Variants in FAM83E observed in about 807,000 individuals in gnomAD.
FAM83E encodes the protein scaffolding CK1 anchoring protein E.
Under a neutral mutation model 34.3 loss-of-function variants are expected in FAM83E, and 29 were observed. That is an observed-to-expected ratio of 0.85 (90% CI 0.63 to 1.15). The LOEUF is 1.15. Among genes scored for constraint, FAM83E ranks in the 50% most tolerant of loss-of-function variants. The pLI is 0.00. For missense variants in FAM83E, 697 were observed against 685.0 expected, an observed-to-expected ratio of 1.02 and a Z score of -0.20; for synonymous variants, 312 against 311.6, an observed-to-expected ratio of 1.00 and a Z score of -0.01.
At position 48,603,689 on chromosome 19, in the gene FAM83E, C is replaced by T. The variant is rs2147639945; in HGVS notation, c.981G>A (p.Pro327=). The change falls in exon 6 of 7, where the codon CCG becomes CCA. Residue 327 remains proline, a synonymous_variant. Transcript: ENST00000263266. ...GGCGGTGGGCCAGCGGGCCGTCAGG[C>T]GGCGGAGGCGACGCGGGGGCCACGG... is the stretch of plus-strand genomic sequence containing the variant. ...RRSVAPASPP[P]PDGPLAHRLA... The T allele has an allele frequency of 3.8e-6, 5 of 1,317,026 alleles. No homozygotes were observed. Among genetic ancestry groups the T allele is most frequent in the East Asian group, 3.2e-5 (1 of 30,850 alleles). The allele number at this position is 1,317,026 out of a possible 1,614,324, so 81.6% of individuals were successfully genotyped here. A position where few individuals can be genotyped will look rare whatever the true frequency, so the allele number is the denominator to read the frequency against.
Position 48,614,736 on chromosome 19 carries a change from C to T in FAM83E, c.-1284G>A. ...CACCGGCTAGTGCCGGGCTCAATGG[C>T]CTCCCTTCCAGTGCCTGCTTTTTCC... On this transcript the variant is annotated 5_prime_UTR_variant, in exon 2 of 7. Coordinates refer to ENST00000263266, the MANE Select transcript of FAM83E (RefSeq NM_017708.4). 1 of 984,102 alleles carries T rather than the reference C, an allele frequency of 1.0e-6. No homozygotes were observed. The highest frequency in any genetic ancestry group is 1.2e-6 in the Non-Finnish European group (1 of 829,666). 61.0% of individuals were successfully genotyped at this position (984,102 alleles called of 1,614,324 possible).
intron 6 of FAM83E, among the ~76,000 whole-genome samples, chr19:48,602,702 AAAATATATATATATATATATATAT>A (rs1973843021): frequency 1.4e-4 from 6 of 42,890 alleles, no homozygotes; most frequent in Non-Finnish European, 1.6e-4. Flanking sequence ...AAAAAAAAAA[AAAATATATATATATATATATATAT>A]ATATATATAT....
chr19:48,601,772 A>G (rs1463908023), intron 6 of FAM83E, among the ~76,000 whole-genome samples: 2 of 151,424 alleles, frequency 1.3e-5, no homozygotes, highest in East Asian at 2.0e-4. Flanking sequence ...CTCAAAAAAA[A>G]AAAAAGGAAG....
chr19:48,602,703 AAATATATATATATATATATATATATATAT>A (rs1973843850), intron 6 of FAM83E, among the ~76,000 whole-genome samples: 1 of 44,850 alleles, frequency 2.2e-5, no homozygotes, highest in South Asian at 8.5e-4. Context: ...AAAAAAAAAA[AAATATATATATATATATATATATATATAT>A]ATATATATAT....
intron 5 of FAM83E, chr19:48,606,739 C>T (rs1973935066): frequency 7.1e-6 from 4 of 564,610 alleles, no homozygotes; most frequent in Non-Finnish European, 1.3e-5. Flanking sequence ...TGTGAGATCA[C>T]TCATTCCATT....
intron 5 of FAM83E, among the ~76,000 whole-genome samples, chr19:48,605,972 C>T (rs984713601): frequency 2.0e-5 from 3 of 152,164 alleles, no homozygotes; most frequent in East Asian, 1.9e-4. Flanking sequence ...CTGTGGGGGC[C>T]GGTGCCCTAA....
Position 48,614,360 on chromosome 19 carries a change from C to G in FAM83E, c.-988G>C, listed in dbSNP as rs1974105324. 11 of 985,528 alleles carry G rather than the reference C, an allele frequency of 1.1e-5. No individual in the cohort carries two copies. The highest frequency in any genetic ancestry group is 1.3e-5 in the Non-Finnish European group (11 of 830,012). The allele number at this position is 985,528 out of a possible 1,614,324, so 61.0% of individuals were successfully genotyped here. A position where few individuals can be genotyped will look rare whatever the true frequency, so the allele number is the denominator to read the frequency against. On this transcript the variant is annotated 5_prime_UTR_variant, in exon 3 of 7. Transcript: ENST00000263266. ...GCCTGGCCCTGGGACCTGTTCCAGG[C>G]CGTCCTCTGATCTGCGGGGAGCCCT...
At position 48,615,006 on chromosome 19, in the gene FAM83E, C is replaced by A. The variant is rs893528975; in HGVS notation, c.-1457G>T. Among the ~76,000 whole-genome samples the A allele has an allele frequency of 2.0e-5, 3 of 152,214 alleles. No homozygotes were observed. Among genetic ancestry groups the A allele is most frequent in the Non-Finnish European group, 4.4e-5 (3 of 68,026 alleles). On this transcript the variant is annotated 5_prime_UTR_variant, in exon 1 of 7. In the 5' UTR this introduces an upstream ATG that the reference lacks. Coordinates refer to ENST00000263266, the MANE Select transcript of FAM83E (RefSeq NM_017708.4). Reference sequence around the variant, plus strand: ...CCGGTCCCCGGGGGGTTGAGATTGCCTCACCTGTTCCCAGGCAGTCTCTCC... The same window carrying A: ...CCGGTCCCCGGGGGGTTGAGATTGCATCACCTGTTCCCAGGCAGTCTCTCC...
At chr19:48,607,603 G>T in intron 5 of FAM83E, 1 of 526,426 alleles carries the variant, frequency 1.9e-6, no homozygotes, top group Non-Finnish European at 3.5e-6. Flanking sequence ...AAGACGCAGA[G>T]CTTCTCACAT....
Position 48,603,585 on chromosome 19 carries a change from G to A in FAM83E, c.1085C>T (p.Thr362Ile), listed in dbSNP as rs1017205885. 5.2e-6 allele frequency: 8 copies of A among 1,546,528 alleles called. 1 individual carries two copies. Among genetic ancestry groups the A allele is most frequent in the East Asian group, 2.6e-5 (1 of 38,856 alleles). Residue 362 changes from threonine (T) to isoleucine (I), a missense_variant, in exon 6 of 7, where the codon ACC (threonine) becomes ATC (isoleucine). Physicochemically the swap from Thr to Ile is moderately conservative, Grantham distance 89 (BLOSUM62 -1). Coordinates refer to ENST00000263266, the MANE Select transcript of FAM83E (RefSeq NM_017708.4). ...GGGCCGGGCCGGGGGGCCGCTGGGG[G>A]TCCGGGCGCGCTGCACACTCCTTAG... ...DILRSVQRARTPSGPPARPSR... is the reference protein window; with the variant it reads ...DILRSVQRARIPSGPPARPSR...
At chr19:48,602,707 ATATATAT>A (rs1568417838) in intron 6 of FAM83E, among the ~76,000 whole-genome samples, 437 of 29,108 alleles carry the variant, frequency 0.015, 39 homozygotes, top group Admixed American at 0.018. Flanking sequence ...AAAAAAAAAT[ATATATAT>A]ATATATATAT....
Position 48,613,588 on chromosome 19 carries a change from T to A in FAM83E, c.-216A>T. On this transcript the variant is annotated 5_prime_UTR_variant, in exon 3 of 7. An upstream start codon of the reference 5' UTR is lost. Coordinates refer to ENST00000263266, the MANE Select transcript of FAM83E (RefSeq NM_017708.4). ...ATCACGCTGCCCAAATAAGCGACCATCCAATGTGTCAGGCCACTCAGATCC... is the reference window on the plus strand; with the variant it reads ...ATCACGCTGCCCAAATAAGCGACCAACCAATGTGTCAGGCCACTCAGATCC... 7.2e-7 allele frequency: 1 copy of A among 1,395,510 alleles called. No individual in the cohort carries two copies. Among genetic ancestry groups the A allele is most frequent in the African/African-American group, 1.4e-5 (1 of 69,024 alleles). 86.4% of individuals were successfully genotyped at this position (1,395,510 alleles called of 1,614,324 possible). A position where few individuals can be genotyped will look rare whatever the true frequency, so the allele number is the denominator to read the frequency against.
At chr19:48,602,699 AAAAAAATATATATATATATAT>A (rs1973841005) in intron 6 of FAM83E, among the ~76,000 whole-genome samples, 2 of 40,370 alleles carry the variant, frequency 5.0e-5, no homozygotes, top group Non-Finnish European at 9.1e-5. Flanking sequence ...AAAAAAAAAA[AAAAAAATATATATATATATAT>A]ATATATATAT....
At chr19:48,609,022 G>A (rs559238646) in intron 5 of FAM83E, among the ~76,000 whole-genome samples, 1 of 152,056 alleles carries the variant, frequency 6.6e-6, no homozygotes, top group Non-Finnish European at 1.5e-5. Context: ...CAGCCCGAGC[G>A]TGGGTGCCAC....
intron 5 of FAM83E, chr19:48,606,908 C>T: frequency 6.5e-7 from 1 of 1,542,752 alleles, no homozygotes; most frequent in Middle Eastern, 1.8e-4. Context: ...AGAGGTCCTT[C>T]ATTCAGCGGT....
In FAM83E at chr19:48,601,118, C is replaced by T. The variant is rs766166539; in HGVS notation, c.1428G>A (p.Gly476=). The change falls in exon 7 of 7, where the codon GGG becomes GGA. Residue 476 remains glycine (G), a synonymous_variant. Transcript: ENST00000263266. ...SDWAPRAGLG[G]QP ...TGGCTTGGGCTCCTGTTCAGGGTTG[C>T]CCCCCAAGTCCTGCCCGGGGGGCCC... 1.9e-6 allele frequency: 3 copies of T among 1,609,994 alleles called. No homozygotes were observed. Among genetic ancestry groups the T allele is most frequent in the African/African-American group, 1.3e-5 (1 of 74,784 alleles).
chr19:48,606,799 C>A, intron 5 of FAM83E: 1 of 705,526 alleles, frequency 1.4e-6, no homozygotes, highest in Non-Finnish European at 2.3e-6. Flanking sequence ...ATCCCCAGGA[C>A]TTAGAGGGAC....
At chr19:48,607,176 G>T in intron 5 of FAM83E, 1 of 1,613,090 alleles carries the variant, frequency 6.2e-7, no homozygotes, top group Non-Finnish European at 8.5e-7. Context: ...AAGGCTGCCT[G>T]CGAGCCACCA....
At chr19:48,611,030 C>T (rs1716502453) in intron 3 of FAM83E, among the ~76,000 whole-genome samples, 183 bp from the exon 4 acceptor site, 1 of 152,166 alleles carries the variant, frequency 6.6e-6, no homozygotes, top group African/African-American at 2.4e-5. Flanking sequence ...ACAGCACCTA[C>T]GTGTGAATGA....
Sources: gnomAD v4.1 joint callset for allele counts (sites outside exome capture counted in the v4.1 genomes callset) on GRCh38, gnomAD v4.1.1 for gene constraint, MANE v1.5 for transcripts, NCBI Gene and HGNC (gene_info 2026-07-23, HGNC 2026-07-21) for gene names.